Variants in LYPD1 observed in about 807,000 individuals in gnomAD.
LYPD1 encodes LY6/PLAUR domain containing 1.
In LYPD1, 14 loss-of-function variants were observed where a neutral mutation model predicts 14.2. That is an observed-to-expected ratio of 0.99 (90% confidence interval 0.65 to 1.54). The LOEUF (loss-of-function observed/expected upper bound fraction) is 1.54. Ranked by LOEUF, LYPD1 falls within the 40% of genes most tolerant of loss-of-function variation. The pLI is 0.00. For missense variants in LYPD1, 165 were observed against 175.7 expected (o/e 0.94, Z 0.34); for synonymous variants, 85 against 70.6 (o/e 1.20, Z -1.02).
intron 2 of LYPD1, among the ~76,000 whole-genome samples, chr2:132,661,825 T>C (rs1682959753): frequency 6.6e-6 from 1 of 151,914 alleles, no homozygotes; most frequent in Non-Finnish European, 1.5e-5. Flanking sequence ...TACACTTCTC[T>C]ATGAATAAAC....
intron 2 of LYPD1, among the ~76,000 whole-genome samples, chr2:132,656,826 T>G (rs1033926816): frequency 1.3e-5 from 2 of 152,176 alleles, no homozygotes; most frequent in Non-Finnish European, 2.9e-5. Context: ...ACAACTCATT[T>G]TAAAAAGGGA....
rs371035597 is a variant in LYPD1, at chr2:132,645,618, G to A, written c.*427C>T. 1 of 1,603,770 alleles carries A rather than the reference G, an allele frequency of 6.2e-7. No individual in the cohort carries two copies. Among genetic ancestry groups the A allele is most frequent in the Admixed American group, 1.7e-5 (1 of 58,764 alleles). ...AGCATGAAGTTTGAATGTCAAGCGAGGGAGCCTTGAGTGGGAACTGGCCCT... is the reference window on the plus strand; with the variant it reads ...AGCATGAAGTTTGAATGTCAAGCGAAGGAGCCTTGAGTGGGAACTGGCCCT... On this transcript the variant is annotated 3_prime_UTR_variant, in exon 3 of 3. Coordinates refer to ENST00000397463, the MANE Select transcript of LYPD1 (RefSeq NM_144586.7).
rs1573765314 is a variant in LYPD1 at position 132,669,182 on chromosome 2, C to A, written c.53-645G>T. Among the ~76,000 whole-genome samples, 2 of 152,096 alleles carry A rather than the reference C, an allele frequency of 1.3e-5. No homozygotes were observed. The highest frequency in any genetic ancestry group is 2.1e-4 in the South Asian group (1 of 4,824). Reference sequence around the variant, plus strand: ...AATGGCCACAGAGGGTGGGAAAGGGCGTTTGTGAGCGCGCGCACCCTGGAT... The same window carrying A: ...AATGGCCACAGAGGGTGGGAAAGGGAGTTTGTGAGCGCGCGCACCCTGGAT... On this transcript the variant is annotated intron_variant, in intron 1 of 2. Coordinates refer to ENST00000397463, the MANE Select transcript of LYPD1 (RefSeq NM_144586.7). This position sits in a 1 kb window ranked among gnomAD's most constrained non-coding sequence, Gnocchi z 4.3.
In LYPD1 at chr2:132,646,278, T is replaced by G; in HGVS notation, c.193A>C (p.Ile65Leu). 6.5e-7 allele frequency: 1 copy of G among 1,539,556 alleles called. No individual in the cohort carries two copies. Among genetic ancestry groups the G allele is most frequent in the Non-Finnish European group, 8.8e-7 (1 of 1,138,972 alleles). Residue 65 changes from isoleucine (I) to leucine (L), a missense_variant and splice_region_variant, in exon 3 of 3, where the codon ATC becomes CTC. Coordinates refer to ENST00000397463, the MANE Select transcript of LYPD1 (RefSeq NM_144586.7). ...QKEVMEQSAG[I>L]MYRKSCASSA... ...GATGCACAGGACTTGCGGTACATGATCCCTGTAACACAGACCCAAAGGAGC... is the reference window on the plus strand; with the variant it reads ...GATGCACAGGACTTGCGGTACATGAGCCCTGTAACACAGACCCAAAGGAGC...
chr2:132,662,171 C>T (rs1396037224), intron 2 of LYPD1, among the ~76,000 whole-genome samples: 1 of 152,212 alleles, frequency 6.6e-6, no homozygotes, highest in African/African-American at 2.4e-5. Flanking sequence ...CTAACTTGTA[C>T]TATAATATCT....
intron 2 of LYPD1, among the ~76,000 whole-genome samples, chr2:132,663,975 A>G (rs563988715): frequency 1.3e-5 from 2 of 152,202 alleles, no homozygotes; most frequent in Non-Finnish European, 2.9e-5. Context: ...CAAGCATTGC[A>G]TATGTGGGTA....
chr2:132,651,256 C>T (rs1028925420), intron 2 of LYPD1, among the ~76,000 whole-genome samples: 9 of 152,316 alleles, frequency 5.9e-5, no homozygotes, highest in African/African-American at 2.2e-4. Flanking sequence ...GCTTCTTTCT[C>T]TGTGTAGTAC....
At chr2:132,666,402 C>T (rs1683275189) in intron 2 of LYPD1, among the ~76,000 whole-genome samples, 1 of 152,194 alleles carries the variant, frequency 6.6e-6, no homozygotes. Flanking sequence ...CACACCCCGA[C>T]CTAGCATCCT....
chr2:132,652,122 G>A (rs1239739966), intron 2 of LYPD1, among the ~76,000 whole-genome samples: 1 of 152,162 alleles, frequency 6.6e-6, no homozygotes, highest in Non-Finnish European at 1.5e-5. Context: ...ATCGTTTGGA[G>A]ACTTCCCCAA....
intron 2 of LYPD1, among the ~76,000 whole-genome samples, chr2:132,652,539 A>G (rs992828980): frequency 4.6e-5 from 7 of 152,184 alleles, no homozygotes; most frequent in African/African-American, 1.7e-4. Context: ...AGAAGGCTCA[A>G]CTGGTAGATG....
chr2:132,655,884 A>G (rs1690205764), intron 2 of LYPD1, among the ~76,000 whole-genome samples: 1 of 152,126 alleles, frequency 6.6e-6, no homozygotes, highest in Non-Finnish European at 1.5e-5. Context: ...AATGGTCATC[A>G]TTTAACATTT....
chr2:132,666,511 G>A (rs1377262919), intron 2 of LYPD1, among the ~76,000 whole-genome samples: 1 of 152,114 alleles, frequency 6.6e-6, no homozygotes, highest in African/African-American at 2.4e-5. Context: ...TCTACCTGTT[G>A]GGCTGTGACC....
At position 132,645,892 on chromosome 2, in the gene LYPD1, C is replaced by G; in HGVS notation, c.*153G>C. The stretch of plus-strand genomic sequence containing the variant: ...TTTATTCAGAATGCTTTACCGAGCT[C>G]TTTCATTATTTGCACAGGAACAAAA... On this transcript the variant is annotated 3_prime_UTR_variant, in exon 3 of 3. Coordinates refer to ENST00000397463, the MANE Select transcript of LYPD1 (RefSeq NM_144586.7). 1 of 673,100 alleles carries G rather than the reference C, an allele frequency of 1.5e-6. No homozygotes were observed. Among genetic ancestry groups the G allele is most frequent in the East Asian group, 2.9e-5 (1 of 34,976 alleles). 41.7% of individuals were successfully genotyped at this position (673,100 alleles called of 1,614,324 possible).
intron 2 of LYPD1, among the ~76,000 whole-genome samples, chr2:132,666,324 T>A (rs1683270678): frequency 6.6e-6 from 1 of 152,220 alleles, no homozygotes; most frequent in Non-Finnish European, 1.5e-5. Flanking sequence ...GCTCTTTTGA[T>A]GCAGAAACAG....
chr2:132,645,989 G>C lies in LYPD1; in HGVS notation c.*56C>G, dbSNP rs921905511. 1 of 1,336,198 alleles carries C rather than the reference G, an allele frequency of 7.5e-7. No homozygotes were observed. The highest frequency in any genetic ancestry group is 1.5e-5 in the African/African-American group (1 of 67,418). 82.8% of individuals were successfully genotyped at this position (1,336,198 alleles called of 1,614,324 possible). ...AAGAAACTCACTCAGGGAGGTGGGG[G>C]GTTGGGGGCGAGGGCTGGAAGAACA... On this transcript the variant is annotated 3_prime_UTR_variant, in exon 3 of 3. Coordinates refer to ENST00000397463, the MANE Select transcript of LYPD1 (RefSeq NM_144586.7).
chr2:132,647,933 C>A (rs558194153), intron 2 of LYPD1, among the ~76,000 whole-genome samples: 53 of 151,532 alleles, frequency 3.5e-4, no homozygotes, highest in African/African-American at 1.3e-3. Context: ...TTAGATTTAC[C>A]GTAAAACATG....
At chr2:132,666,382 T>C (rs1029909905) in intron 2 of LYPD1, among the ~76,000 whole-genome samples, 2 of 152,208 alleles carry the variant, frequency 1.3e-5, no homozygotes, top group African/African-American at 4.8e-5. Context: ...ATGCCTTGCT[T>C]CCATGTGCAC....
At chr2:132,664,152 G>A (rs1683130394) in intron 2 of LYPD1, among the ~76,000 whole-genome samples, 1 of 152,058 alleles carries the variant, frequency 6.6e-6, no homozygotes, top group Non-Finnish European at 1.5e-5. Flanking sequence ...CAGGAATAAA[G>A]GGACTATGAT....
intron 2 of LYPD1, among the ~76,000 whole-genome samples, chr2:132,655,278 C>A (rs370454040): frequency 1.3e-3 from 191 of 152,228 alleles, no homozygotes; most frequent in African/African-American, 4.5e-3. Flanking sequence ...GCTCATTTGA[C>A]CCCCATCCCC....
Sources: gnomAD v4.1 joint callset for allele counts (sites outside exome capture counted in the v4.1 genomes callset) on GRCh38, gnomAD v4.1.1 for gene constraint, Gnocchi (gnomAD v3.1) non-coding constraint, MANE v1.5 for transcripts, NCBI Gene and HGNC (gene_info 2026-07-23, HGNC 2026-07-21) for gene names.